The following ATF3 variants were observed in gnomAD, a reference collection of about 807,000 sequenced individuals.
ATF3 encodes the protein cyclic AMP-dependent transcription factor ATF-3.
ATF3 carries 10 observed loss-of-function variants against 18.4 expected under a neutral mutation model. The observed-to-expected ratio is 0.54, with a 90% CI of 0.34 to 0.92. The LOEUF is 0.92. Among genes scored for constraint, ATF3 ranks in the 40% least tolerant of loss-of-function variants. The pLI is 0.02. For missense variants in ATF3, 183 were observed against 222.3 expected (o/e 0.82, Z 1.12); for synonymous variants, 78 against 87.9 (o/e 0.89, Z 0.63).
At chr1:212,566,164 A>C (rs886939792) in intron 1 of ATF3, among the ~76,000 whole-genome samples, 1 of 152,188 alleles carries the variant, frequency 6.6e-6, no homozygotes. Flanking sequence ...GGTTCTGCCA[A>C]GTAAAAGCTG....
chr1:212,588,688 C>T (rs77912461), intron 1 of ATF3, among the ~76,000 whole-genome samples: 11,709 of 152,214 alleles, frequency 0.077, 521 homozygotes, highest in African/African-American at 0.1. Flanking sequence ...ACCTGATTCC[C>T]ACTCCCTGAA....
chr1:212,595,711 A>T (rs1224082875), intron 1 of ATF3, among the ~76,000 whole-genome samples: 1 of 152,240 alleles, frequency 6.6e-6, no homozygotes, highest in Non-Finnish European at 1.5e-5. Flanking sequence ...TGACCTGTTC[A>T]GTCCCACCCT....
intron 1 of ATF3, among the ~76,000 whole-genome samples, chr1:212,575,095 G>C (rs1664550394): frequency 6.6e-6 from 1 of 151,790 alleles, no homozygotes; most frequent in South Asian, 2.1e-4. Context: ...ATATTTTTAT[G>C]GGAATCTTGC....
At chr1:212,599,176 T>C (rs1198350467) in intron 1 of ATF3, among the ~76,000 whole-genome samples, 1 of 152,266 alleles carries the variant, frequency 6.6e-6, no homozygotes, top group Non-Finnish European at 1.5e-5. Context: ...AGATGATATG[T>C]ATCTTGCATT....
intron 1 of ATF3, among the ~76,000 whole-genome samples, chr1:212,600,762 A>T (rs1205581627): frequency 6.6e-6 from 1 of 152,106 alleles, no homozygotes; most frequent in Non-Finnish European, 1.5e-5. Flanking sequence ...CTGTCTCCCC[A>T]TGGGCTGTGA....
chr1:212,583,778 T>C (rs993743712), intron 1 of ATF3, among the ~76,000 whole-genome samples: 1 of 152,108 alleles, frequency 6.6e-6, no homozygotes, highest in Non-Finnish European at 1.5e-5. Flanking sequence ...ATGGAAGGGG[T>C]GGGGCATAGT....
chr1:212,615,896 C>A (rs1655101801), intron 2 of ATF3, among the ~76,000 whole-genome samples: 1 of 150,344 alleles, frequency 6.7e-6, no homozygotes, highest in Non-Finnish European at 1.5e-5. Flanking sequence ...CTCAAGCGAT[C>A]CTCCTGCTTC....
Position 212,620,178 on chromosome 1 carries a change from G to A in ATF3, c.*623G>A, listed in dbSNP as rs142921239. The A allele has an allele frequency of 3.3e-3, 510 of 154,954 alleles. No homozygotes were observed. The highest frequency in any genetic ancestry group is 9.9e-3 in the Middle Eastern group (3 of 302). The allele number at this position is 154,954 out of a possible 1,614,324, so 9.6% of individuals were successfully genotyped here. A position where few individuals can be genotyped will look rare whatever the true frequency, so the allele number is the denominator to read the frequency against. On this transcript the variant is annotated 3_prime_UTR_variant, in exon 4 of 4. Transcript: ENST00000341491. ...TTTTGGGGGGCGGGGCTGTCACCAC[G>A]TGCAGTATCTCAAGATATTCAGGTG...
At chr1:212,606,887 G>T (rs1192766296), upstream of ATF3, among the ~76,000 whole-genome samples, 2 of 152,210 alleles carry the variant, frequency 1.3e-5, no homozygotes, top group African/African-American at 4.8e-5. Context: ...GGGTTGTGGA[G>T]GTGTGCTGAG....
Position 212,618,983 on chromosome 1 carries a change from C to T in ATF3, c.349-375C>T, listed in dbSNP as rs2102666387. On this transcript the variant is annotated intron_variant, in intron 3 of 3. Transcript: ENST00000341491. This position sits in a 1 kb window ranked among gnomAD's most constrained non-coding sequence, Gnocchi z 4.4. Reference sequence around the variant, plus strand: ...TATACATTTTTTCTGGGGAGATGAGCTTCTCATTGAGATCTGTGACTCAGA... The same window carrying T: ...TATACATTTTTTCTGGGGAGATGAGTTTCTCATTGAGATCTGTGACTCAGA... The T allele has an allele frequency of 1.2e-6, 2 of 1,600,610 alleles. No homozygotes were observed. The highest frequency in any genetic ancestry group is 8.6e-7 in the Non-Finnish European group (1 of 1,167,990).
At chr1:212,614,601 A>AG (rs1655027578) in intron 1 of ATF3, among the ~76,000 whole-genome samples, 3 of 148,312 alleles carry the variant, frequency 2.0e-5, no homozygotes, top group South Asian at 2.3e-4. Flanking sequence ...AAAAAAAAAA[A>AG]AAGAGAGAGA....
intron 1 of ATF3, among the ~76,000 whole-genome samples, chr1:212,575,461 C>CA (rs1260493496): frequency 6.6e-6 from 1 of 152,022 alleles, no homozygotes; most frequent in African/African-American, 2.4e-5. Context: ...TTTATGTAGA[C>CA]AATCACATTT....
intron 1 of ATF3, among the ~76,000 whole-genome samples, chr1:212,588,437 T>C (rs7549085): frequency 0.022 from 3,384 of 152,218 alleles, 134 homozygotes; most frequent in African/African-American, 0.075. Flanking sequence ...ACAAAATTCA[T>C]TTCACACAAA....
intron 1 of ATF3, among the ~76,000 whole-genome samples, chr1:212,593,370 A>C (rs1174485135): frequency 6.6e-6 from 1 of 151,942 alleles, no homozygotes. Flanking sequence ...CAGCACATCA[A>C]CATGGTACAT....
In ATF3 at chr1:212,587,957, TG is replaced by T. The variant is rs1389827487; in HGVS notation, c.-5+22479del. Among the ~76,000 whole-genome samples, 6 of 73,640 alleles carry T rather than the reference TG, an allele frequency of 8.1e-5. No individual in the cohort carries two copies. In the East Asian group the frequency reaches 2.4e-3, roughly 30 times the overall value. 48.3% of individuals were successfully genotyped at this position (73,640 alleles called of 152,430 possible). A position where few individuals can be genotyped will look rare whatever the true frequency, so the allele number is the denominator to read the frequency against. ...GAGGCACCTGCTGGGGCGGCGGGGG[TG>T]GGGGCGGGTTTCATTCCCTCTGTAG... On this transcript the variant is annotated intron_variant, in intron 1 of 3. Transcript: ENST00000366981.
chr1:212,582,646 C>T (rs1664705470), intron 1 of ATF3, among the ~76,000 whole-genome samples: 1 of 152,196 alleles, frequency 6.6e-6, no homozygotes, highest in South Asian at 2.1e-4. Context: ...TGAAACATGC[C>T]TGTGCGTTTT....
chr1:212,615,065 G>A lies in ATF3; in HGVS notation c.44G>A (p.Ser15Asn), dbSNP rs377029268. The change falls in exon 2 of 4, where the codon AGT (serine) becomes AAT (asparagine). Residue 15 changes from serine (S) to asparagine (N), a missense_variant. Physicochemically the swap from Ser to Asn is conservative, Grantham distance 46. Coordinates refer to ENST00000341491, the MANE Select transcript of ATF3 (RefSeq NM_001674.4). ...GGCCAGGTCTCTGCCTCGGAAGTGA[G>A]TGCTTCTGCCATCGTCCCCTGCCTG... ...HPGQVSASEVSASAIVPCLSP... is the reference protein window; with the variant it reads ...HPGQVSASEVNASAIVPCLSP... The A allele has an allele frequency of 8.1e-6, 13 of 1,614,068 alleles. No individual in the cohort carries two copies. Among genetic ancestry groups the A allele is most frequent in the Non-Finnish European group, 1.1e-5 (13 of 1,180,044 alleles).
intron 1 of ATF3, among the ~76,000 whole-genome samples, chr1:212,584,865 T>G (rs1664749286): frequency 1.3e-5 from 2 of 152,170 alleles, no homozygotes; most frequent in African/African-American, 4.8e-5. Context: ...GGATGGAACC[T>G]TTGTGGGAAC....
intron 1 of ATF3, among the ~76,000 whole-genome samples, chr1:212,587,512 A>G (rs1457130051): frequency 6.6e-6 from 1 of 152,214 alleles, no homozygotes; most frequent in Non-Finnish European, 1.5e-5. Flanking sequence ...ACCAACCCAC[A>G]TGCTTAGAAG....
Sources: gnomAD v4.1 joint callset for allele counts (sites outside exome capture counted in the v4.1 genomes callset) on GRCh38, gnomAD v4.1.1 for gene constraint, Gnocchi (gnomAD v3.1) non-coding constraint, MANE v1.5 for transcripts, NCBI Gene and HGNC (gene_info 2026-07-23, HGNC 2026-07-21) for gene names.